The following QRICH1 variants were observed in gnomAD, a reference collection of about 807,000 sequenced individuals.
The protein encoded by QRICH1 is transcriptional regulator QRICH1.
Under a neutral mutation model 87.1 loss-of-function variants are expected in QRICH1, and 16 were observed. The observed-to-expected ratio is 0.18, with a 90% CI of 0.12 to 0.28. The LOEUF (loss-of-function observed/expected upper bound fraction) is 0.28, where lower values mean the gene tolerates loss of function less well. QRICH1 is among the 10% of genes least tolerant of loss of function. The probability of loss-of-function intolerance (pLI) is 1.00; values close to 1 mark genes in which losing one functional copy is unlikely to be tolerated. For missense variants in QRICH1, 647 were observed against 951.7 expected (o/e 0.68, Z 4.21); for synonymous variants, 367 against 368.4 (o/e 1.00, Z 0.05).
In QRICH1 at chr3:49,056,871, A is replaced by G. The variant is rs766830306; in HGVS notation, c.1329T>C (p.Val443=). 3.7e-6 allele frequency: 6 copies of G among 1,614,068 alleles called. No individual in the cohort carries two copies. The East Asian group carries it at 6.7e-5, about 18-fold the overall frequency. The change falls in exon 3 of 10, where the codon GTT becomes GTC. Residue 443 remains valine, a synonymous_variant. Transcript: ENST00000395443. ...ATAAGTCTTCACTTACTGAACAAGT[A>G]ACTTGGAGTTGCTGCTGCTGCTGCT... ...PPQQQQQQLQ[V]TCSAQTVQVA...
intron 2 of QRICH1, among the ~76,000 whole-genome samples, chr3:49,059,926 C>T (rs2093425347): frequency 6.6e-6 from 1 of 151,678 alleles, no homozygotes; most frequent in South Asian, 2.1e-4. Flanking sequence ...GCTCTATCGC[C>T]CAGGCTAGAG....
chr3:49,082,098 T>C (rs949592706), intron 1 of QRICH1, among the ~76,000 whole-genome samples: 2 of 152,012 alleles, frequency 1.3e-5, no homozygotes. Context: ...CCTGCCCCCA[T>C]ACCCGGCTAA....
chr3:49,063,191 G>A (rs1371916879), intron 2 of QRICH1, among the ~76,000 whole-genome samples: 4 of 152,126 alleles, frequency 2.6e-5, no homozygotes, highest in African/African-American at 9.7e-5. Flanking sequence ...ACAGATAATA[G>A]GTGTTCAAAT....
chr3:49,042,739 A>G (rs2093317903), intron 6 of QRICH1, among the ~76,000 whole-genome samples: 1 of 151,396 alleles, frequency 6.6e-6, no homozygotes, highest in Non-Finnish European at 1.5e-5. Context: ...CACCTGGCTA[A>G]TTTTTGTATT....
intron 2 of QRICH1, among the ~76,000 whole-genome samples, chr3:49,059,646 T>A (rs2093423563): frequency 6.6e-6 from 1 of 151,154 alleles, no homozygotes; most frequent in African/African-American, 2.4e-5. Flanking sequence ...ATGGTCTCGA[T>A]CTCTTGACCT....
chr3:49,052,193 T>C (rs1437188607), intron 3 of QRICH1, among the ~76,000 whole-genome samples: 1 of 152,072 alleles, frequency 6.6e-6, no homozygotes, highest in Non-Finnish European at 1.5e-5. Flanking sequence ...ACATGGCTTG[T>C]TGATGAACTG....
intron 5 of QRICH1, among the ~76,000 whole-genome samples, chr3:49,045,647 T>G (rs2106859527): frequency 6.6e-6 from 1 of 152,208 alleles, no homozygotes; most frequent in East Asian, 1.9e-4. Context: ...TCACCCAGGC[T>G]GGAGTGTAGT....
chr3:49,042,450 T>C (rs2093316144), intron 6 of QRICH1, among the ~76,000 whole-genome samples: 2 of 152,098 alleles, frequency 1.3e-5, no homozygotes, highest in South Asian at 4.1e-4. Context: ...GGAACAAATC[T>C]GAAAAGGCCA....
Position 49,030,297 on chromosome 3 carries a change from A to G in QRICH1, c.*155T>C. 1 of 731,328 alleles carries G rather than the reference A, an allele frequency of 1.4e-6. No homozygotes were observed. Among genetic ancestry groups the G allele is most frequent in the Non-Finnish European group, 2.1e-6 (1 of 465,794 alleles). 45.3% of individuals were successfully genotyped at this position (731,328 alleles called of 1,614,324 possible). A position where few individuals can be genotyped will look rare whatever the true frequency, so the allele number is the denominator to read the frequency against. On this transcript the variant is annotated 3_prime_UTR_variant, in exon 10 of 10. Coordinates refer to ENST00000395443, the MANE Select transcript of QRICH1 (RefSeq NM_198880.3). Reference sequence around the variant, plus strand: ...AGGTTTATGAAGATGCAAAGGGGGCAAAGTTTTCTTTTATATTTTAAACAG... The same window carrying G: ...AGGTTTATGAAGATGCAAAGGGGGCGAAGTTTTCTTTTATATTTTAAACAG...
intron 2 of QRICH1, among the ~76,000 whole-genome samples, chr3:49,070,950 G>T (rs558914680): frequency 1.3e-5 from 2 of 152,072 alleles, no homozygotes; most frequent in African/African-American, 4.8e-5. Flanking sequence ...TGTCACCCAG[G>T]CTGTGGTGCA....
chr3:49,079,501 T>C (rs1303200684), intron 1 of QRICH1, among the ~76,000 whole-genome samples: 1 of 148,064 alleles, frequency 6.8e-6, no homozygotes, highest in Non-Finnish European at 1.5e-5. Context: ...ATAATTATAA[T>C]AATTAAATAT....
chr3:49,043,822 G>A (rs1174623490), intron 6 of QRICH1, among the ~76,000 whole-genome samples: 1 of 152,130 alleles, frequency 6.6e-6, no homozygotes, highest in Non-Finnish European at 1.5e-5. Flanking sequence ...TATAGAGTGA[G>A]ACTCCGTTTC....
intron 3 of QRICH1, among the ~76,000 whole-genome samples, chr3:49,051,325 TG>T (rs1225879113): frequency 2.6e-5 from 4 of 152,138 alleles, no homozygotes; most frequent in Admixed American, 2.0e-4. Context: ...CTCACAACAT[TG>T]TCCTTTGCAC....
chr3:49,092,240 T>C (rs1329653361), intron 1 of QRICH1: 1 of 152,162 alleles, frequency 6.6e-6, no homozygotes, highest in East Asian at 1.9e-4. Context: ...GAACTGTGGC[T>C]GAATTCAAAG....
intron 6 of QRICH1, among the ~76,000 whole-genome samples, chr3:49,039,618 C>CAAAAAAAAAAAAAAAAAAA (rs899570014): frequency 6.1e-5 from 1 of 16,352 alleles, no homozygotes; most frequent in Admixed American, 5.5e-4. Flanking sequence ...GACTCCATCT[C>CAAAAAAAAAAAAAAAAAAA]AAAAAAAAAA....
rs1181108774 is a variant in QRICH1 at position 49,078,141 on chromosome 3, A to T, written c.-21-1103T>A. Among the ~76,000 whole-genome samples the T allele has an allele frequency of 6.6e-5, 10 of 152,294 alleles. 1 individual carries two copies. In the South Asian group the frequency reaches 2.1e-3, roughly 32 times the overall value. ...AAAAAGGATTATCAGACAATTCTGAATGTCTGGAAAGGTGATTTGTTCCCT... is the reference window on the plus strand; with the variant it reads ...AAAAAGGATTATCAGACAATTCTGATTGTCTGGAAAGGTGATTTGTTCCCT... On this transcript the variant is annotated intron_variant, in intron 1 of 9. Transcript: ENST00000395443.
At chr3:49,056,756 G>A (rs762997475) in intron 3 of QRICH1, 106 bp downstream of exon 3, 1 of 1,525,396 alleles carries the variant, frequency 6.6e-7, no homozygotes, top group Non-Finnish European at 9.0e-7. Context: ...CTGCATCACT[G>A]TAAGAGTAAC....
chr3:49,049,927 G>A (rs143328492), intron 3 of QRICH1, among the ~76,000 whole-genome samples: 174 of 152,184 alleles, frequency 1.1e-3, no homozygotes, highest in African/African-American at 3.9e-3. Context: ...CTTGAGCTGG[G>A]CGCGGTGGCT....
intron 3 of QRICH1, among the ~76,000 whole-genome samples, chr3:49,056,299 G>C (rs1395252080): frequency 1.3e-5 from 2 of 152,128 alleles, no homozygotes; most frequent in African/African-American, 4.8e-5. Flanking sequence ...AAACTCTTGG[G>C]AGGTCCCACC....
Sources: allele counts gnomAD v4.1 joint callset (sites outside exome capture counted in the v4.1 genomes callset), GRCh38; gene constraint gnomAD v4.1.1; transcripts MANE v1.5; gene names NCBI Gene and HGNC (gene_info 2026-07-23, HGNC 2026-07-21).